GPC6: variants seen among roughly 807,000 people sequenced by gnomAD.
The protein encoded by GPC6 is glypican-6.
A neutral mutation model predicts 55.2 loss-of-function variants in GPC6; 14 were observed. The ratio of observed to expected loss-of-function variants is 0.25; its 90% confidence interval spans 0.17 to 0.40. The LOEUF (loss-of-function observed/expected upper bound fraction) is 0.40, where lower values mean the gene tolerates loss of function less well. Ranked by LOEUF, GPC6 falls within the 10% of genes least tolerant of loss-of-function variation. GPC6 has a pLI of 1.00. For synonymous variants in GPC6, 278 were observed against 259.6 expected (o/e 1.07, Z -0.68); for missense variants, 641 against 708.5 (o/e 0.90, Z 1.08).
At chr13:94,140,722 C>T (rs559632206) in intron 4 of GPC6, among the ~76,000 whole-genome samples, 1 of 152,126 alleles carries the variant, frequency 6.6e-6, no homozygotes, top group African/African-American at 2.4e-5. Flanking sequence ...TGTAAACCTC[C>T]AGAGGGAAGG....
chr13:93,840,015 TCTTGTGGAA>T (rs1334362949), intron 3 of GPC6, among the ~76,000 whole-genome samples: 1 of 152,144 alleles, frequency 6.6e-6, no homozygotes, highest in Non-Finnish European at 1.5e-5. Context: ...TCTTTCTCTA[TCTTGTGGAA>T]TAGTGTCAAA....
chr13:93,769,290 A>T (rs1885216944), intron 2 of GPC6, among the ~76,000 whole-genome samples: 1 of 152,190 alleles, frequency 6.6e-6, no homozygotes, highest in Admixed American at 6.5e-5. Flanking sequence ...TCACAGTTTA[A>T]TAGCAAGAAG....
At chr13:93,668,130 C>A (rs1050167361) in intron 2 of GPC6, among the ~76,000 whole-genome samples, 16 of 152,168 alleles carry the variant, frequency 1.1e-4, no homozygotes, top group Admixed American at 5.9e-4. Context: ...GAAAATTTCT[C>A]CCTGGCATGG....
chr13:93,225,677 A>G (rs932399696), upstream of GPC6, among the ~76,000 whole-genome samples: 1 of 152,122 alleles, frequency 6.6e-6, no homozygotes, highest in African/African-American at 2.4e-5. Flanking sequence ...TAAAGAGAGG[A>G]AGACAATGTA....
chr13:93,843,188 C>T (rs1255008914), intron 3 of GPC6, among the ~76,000 whole-genome samples: 2 of 151,602 alleles, frequency 1.3e-5, no homozygotes, highest in African/African-American at 4.8e-5. Flanking sequence ...AAATAATTCC[C>T]TAAACAGCCT....
At chr13:93,894,253 A>G (rs1404105175) in intron 3 of GPC6, among the ~76,000 whole-genome samples, 1 of 152,208 alleles carries the variant, frequency 6.6e-6, no homozygotes, top group African/African-American at 2.4e-5. Context: ...TTCTGTGAAT[A>G]TTACAATCTG....
At chr13:93,977,654 T>C (rs1327497417) in intron 3 of GPC6, among the ~76,000 whole-genome samples, 1 of 152,112 alleles carries the variant, frequency 6.6e-6, no homozygotes, top group East Asian at 1.9e-4. Context: ...TAATGATTTG[T>C]GGTTCAGAAT....
chr13:94,226,830 G>T (rs1412936), intron 4 of GPC6, among the ~76,000 whole-genome samples: 5 of 152,152 alleles, frequency 3.3e-5, no homozygotes, highest in Admixed American at 3.3e-4. Flanking sequence ...AGCCTAAAGG[G>T]TTGTACCATC....
At chr13:93,669,181 A>G (rs1881262579) in intron 2 of GPC6, among the ~76,000 whole-genome samples, 1 of 152,182 alleles carries the variant, frequency 6.6e-6, no homozygotes, top group Non-Finnish European at 1.5e-5. Context: ...CAGTGCCACC[A>G]TAACAGGACC....
intron 4 of GPC6, among the ~76,000 whole-genome samples, chr13:94,257,117 T>C (rs1891530250): frequency 6.6e-6 from 1 of 152,212 alleles, no homozygotes; most frequent in Admixed American, 6.5e-5. Context: ...ATTTGTTCTC[T>C]TTTTAGTTTT....
At chr13:94,088,436 C>A (rs1319756299) in intron 4 of GPC6, among the ~76,000 whole-genome samples, 2 of 152,026 alleles carry the variant, frequency 1.3e-5, no homozygotes, top group East Asian at 3.9e-4. Flanking sequence ...CCCGTAATAT[C>A]CTAGCATTTT....
intron 3 of GPC6, among the ~76,000 whole-genome samples, chr13:93,935,321 C>T (rs1178242425): frequency 6.6e-6 from 1 of 152,070 alleles, no homozygotes; most frequent in Non-Finnish European, 1.5e-5. Flanking sequence ...TATATAGGTA[C>T]TTATTGTTGA....
rs547080493 is a variant in GPC6, at chr13:93,359,064, G to A, written c.160+131448G>A. 2.4e-3 allele frequency among the ~76,000 whole-genome samples: 366 copies of A among 151,012 alleles called. 2 individuals carry two copies. The highest frequency in any genetic ancestry group is 7.3e-3 in the African/African-American group (298 of 41,028). On this transcript the variant is annotated intron_variant, in intron 1 of 8. Coordinates refer to ENST00000377047, the MANE Select transcript of GPC6 (RefSeq NM_005708.5). ...GCTCACTGCTGCTTCAACCTCCTGG[G>A]CTCGAGATCCTCCCACCTCAGCCTC...
At chr13:94,093,236 T>G (rs1885552851) in intron 4 of GPC6, among the ~76,000 whole-genome samples, 1 of 152,130 alleles carries the variant, frequency 6.6e-6, no homozygotes, top group Admixed American at 6.6e-5. Context: ...TTAATAGTTT[T>G]ATAGTTTCAG....
chr13:93,530,157 A>G (rs900201561), intron 1 of GPC6, among the ~76,000 whole-genome samples: 10 of 152,288 alleles, frequency 6.6e-5, no homozygotes, highest in Middle Eastern at 6.8e-3. Flanking sequence ...ATAGAGTAAC[A>G]GCTTCCTACT....
chr13:93,454,740 C>G (rs1197417887), intron 1 of GPC6, among the ~76,000 whole-genome samples: 2 of 152,262 alleles, frequency 1.3e-5, no homozygotes, highest in Non-Finnish European at 2.9e-5. Context: ...GGATCCCGCA[C>G]CCGGGCTGCA....
At chr13:93,811,178 A>G (rs1338457260) in intron 2 of GPC6, among the ~76,000 whole-genome samples, 1 of 152,232 alleles carries the variant, frequency 6.6e-6, no homozygotes, top group Non-Finnish European at 1.5e-5. Context: ...AATGAAGTAA[A>G]TATCTGGCAA....
At chr13:93,263,013 G>A (rs1717469868) in intron 1 of GPC6, among the ~76,000 whole-genome samples, 1 of 152,176 alleles carries the variant, frequency 6.6e-6, no homozygotes, top group African/African-American at 2.4e-5. Context: ...TTTTAACAAA[G>A]GAGTGCAATA....
chr13:93,690,556 T>C (rs182774663), intron 2 of GPC6, among the ~76,000 whole-genome samples: 1 of 152,112 alleles, frequency 6.6e-6, no homozygotes, highest in Non-Finnish European at 1.5e-5. Flanking sequence ...TCCTACAAGA[T>C]CAGGAAACCT....
Sources: gnomAD v4.1 joint callset for allele counts (sites outside exome capture counted in the v4.1 genomes callset) on GRCh38, gnomAD v4.1.1 for gene constraint, MANE v1.5 for transcripts, NCBI Gene and HGNC (gene_info 2026-07-23, HGNC 2026-07-21) for gene names.